The following AFF1 variants were observed in gnomAD, a reference collection of about 807,000 sequenced individuals.
AFF1 encodes the protein AF4/FMR2 family member 1.
A neutral mutation model predicts 121.7 loss-of-function variants in AFF1; 48 were observed. The ratio of observed to expected loss-of-function variants is 0.39; its 90% CI spans 0.31 to 0.50. The LOEUF is 0.50. AFF1 is among the 20% of genes least tolerant of loss of function. AFF1 has a pLI of 0.76. For synonymous variants in AFF1, 613 were observed against 563.0 expected (o/e 1.09, Z -1.26); for missense variants, 1,523 against 1,511.7 (o/e 1.01, Z -0.12).
At position 87,001,362 on chromosome 4, in the gene AFF1, G is replaced by A. The variant is rs538562190; in HGVS notation, c.39-44804G>A. Among the ~76,000 whole-genome samples, 48 of 151,690 alleles carry A rather than the reference G, an allele frequency of 3.2e-4. No homozygotes were observed. In the Middle Eastern group the frequency reaches 0.01, roughly 32 times the overall value. ...CTCCCGAGTAGCTGGGACTACAGGC[G>A]CTTGCCTCCACGCCTGGCTAATTTT... On this transcript the variant is annotated intron_variant, in intron 2 of 20. Transcript: ENST00000395146.
chr4:86,952,755 C>A (rs1721449180), intron 2 of AFF1, among the ~76,000 whole-genome samples: 1 of 141,290 alleles, frequency 7.1e-6, no homozygotes, highest in Admixed American at 7.7e-5. Flanking sequence ...GTGGCGTGAT[C>A]TTGGCCCCTC....
chr4:86,995,057 A>G (rs1725009985), intron 2 of AFF1, among the ~76,000 whole-genome samples: 2 of 152,124 alleles, frequency 1.3e-5, no homozygotes, highest in Non-Finnish European at 2.9e-5. Context: ...CCTAGGCAAC[A>G]TGGTAAAACC....
rs1000852314 is a variant in AFF1 at position 86,991,423 on chromosome 4, C to T, written c.38+42852C>T. Among the ~76,000 whole-genome samples, 11 of 145,894 alleles carry T rather than the reference C, an allele frequency of 7.5e-5. No homozygotes were observed. In the South Asian group the frequency reaches 1.1e-3, roughly 15 times the overall value. On this transcript the variant is annotated intron_variant, in intron 2 of 20. Coordinates refer to ENST00000395146, the MANE Select transcript of AFF1 (RefSeq NM_001166693.3). ...TCGCCCCACTGCACTCCAGCCTGGG[C>T]GACAGAGTGAGACTCCATCTCCAAA...
intron 2 of AFF1, among the ~76,000 whole-genome samples, chr4:87,037,865 A>C (rs934020302): frequency 6.6e-6 from 1 of 152,162 alleles, no homozygotes; most frequent in Non-Finnish European, 1.5e-5. Flanking sequence ...GGTACCAAGA[A>C]TGTAAATTTC....
At position 87,140,613 on chromosome 4, in the gene AFF1, AAGTTTTT is replaced by A. The variant is rs1221256449; in HGVS notation, c.*4913_*4919del. On this transcript the variant is annotated 3_prime_UTR_variant, in exon 21 of 21. Coordinates refer to ENST00000395146, the MANE Select transcript of AFF1 (RefSeq NM_001166693.3). ...TGAAAATCACTGGCCTATGTTTAATAAGTTTTTCTTTAATTACTGTGGAATAACGTGC... is the reference window on the plus strand; with the variant it reads ...TGAAAATCACTGGCCTATGTTTAATACTTTAATTACTGTGGAATAACGTGC... 1 of 186,230 alleles carries A rather than the reference AAGTTTTT, an allele frequency of 5.4e-6. No individual in the cohort carries two copies. The highest frequency in any genetic ancestry group is 2.3e-5 in the African/African-American group (1 of 42,658). The allele number at this position is 186,230 out of a possible 1,614,324, so 11.5% of individuals were successfully genotyped here.
chr4:87,105,188 T>G (rs1283852755), intron 8 of AFF1, among the ~76,000 whole-genome samples: 1 of 152,254 alleles, frequency 6.6e-6, no homozygotes, highest in Non-Finnish European at 1.5e-5. Context: ...AATGGCTAAC[T>G]ACTTTAGTTC....
intron 19 of AFF1, among the ~76,000 whole-genome samples, chr4:87,133,068 T>C (rs568872446): frequency 6.6e-6 from 1 of 152,234 alleles, no homozygotes; most frequent in Admixed American, 6.5e-5. Context: ...AGAGCCAGAG[T>C]CCTTTCTCTC....
At chr4:87,043,985 A>C (rs1730417061) in intron 2 of AFF1, among the ~76,000 whole-genome samples, 1 of 152,054 alleles carries the variant, frequency 6.6e-6, no homozygotes, top group African/African-American at 2.4e-5. Flanking sequence ...CAGCCAGCTA[A>C]TTTTTGTATT....
intron 4 of AFF1, among the ~76,000 whole-genome samples, chr4:87,071,922 G>T (rs1344035610): frequency 3.9e-5 from 6 of 152,112 alleles, no homozygotes; most frequent in African/African-American, 9.7e-5. Flanking sequence ...GAAAAGATTG[G>T]AGTTTCGGGT....
chr4:86,948,456 C>A, intron 1 of AFF1, 42 bp from the exon 2 acceptor site: 1 of 1,361,110 alleles, frequency 7.3e-7, no homozygotes, highest in Non-Finnish European at 1.0e-6. Context: ...TGAATTTACT[C>A]ACAGGCTAAT....
At chr4:86,969,511 G>C (rs1351614152) in intron 2 of AFF1, among the ~76,000 whole-genome samples, 1 of 149,644 alleles carries the variant, frequency 6.7e-6, no homozygotes, top group African/African-American at 2.5e-5. Context: ...CAGTTGAATC[G>C]GTTTATCAAT....
At chr4:87,017,025 T>C (rs1727363221) in intron 2 of AFF1, among the ~76,000 whole-genome samples, 1 of 151,766 alleles carries the variant, frequency 6.6e-6, no homozygotes, top group Admixed American at 6.6e-5. Flanking sequence ...AAATTGTGAA[T>C]AATGTTGCTG....
Position 87,137,999 on chromosome 4 carries a change from T to A in AFF1, c.*2298T>A. The A allele has an allele frequency of 4.3e-6, 1 of 231,060 alleles. No homozygotes were observed. The highest frequency in any genetic ancestry group is 6.1e-5 in the East Asian group (1 of 16,408). 14.3% of individuals were successfully genotyped at this position (231,060 alleles called of 1,614,324 possible). ...TTTCTCAGCCAGCTCTAAAACAGATTGCTTTTTCAGTGGCCTTACTCTTTG... is the reference window on the plus strand; with the variant it reads ...TTTCTCAGCCAGCTCTAAAACAGATAGCTTTTTCAGTGGCCTTACTCTTTG... On this transcript the variant is annotated 3_prime_UTR_variant, in exon 21 of 21. Coordinates refer to ENST00000395146, the MANE Select transcript of AFF1 (RefSeq NM_001166693.3).
intron 2 of AFF1, among the ~76,000 whole-genome samples, chr4:87,016,042 G>T (rs1360342015): frequency 6.6e-6 from 1 of 152,202 alleles, no homozygotes; most frequent in East Asian, 1.9e-4. Context: ...TTAGCTGGGC[G>T]TAGTGGCAGG....
intron 2 of AFF1, among the ~76,000 whole-genome samples, chr4:86,969,804 C>T (rs770072057): frequency 3.6e-5 from 5 of 139,884 alleles, no homozygotes; most frequent in Admixed American, 1.6e-4. Context: ...GGCGTGAACC[C>T]GGGAGGCGGA....
At chr4:87,119,143 G>A (rs1395645369) in intron 12 of AFF1, among the ~76,000 whole-genome samples, 3 of 152,188 alleles carry the variant, frequency 2.0e-5, no homozygotes, top group Non-Finnish European at 4.4e-5. Context: ...ACAGGCATGA[G>A]TCACCATGCC....
chr4:87,044,018 A>C (rs547664991), intron 2 of AFF1, among the ~76,000 whole-genome samples: 1 of 152,068 alleles, frequency 6.6e-6, no homozygotes, highest in African/African-American at 2.4e-5. Context: ...AGGGTTCACC[A>C]TGTTGGCCAG....
chr4:86,963,265 GA>G (rs1434975818), intron 2 of AFF1, among the ~76,000 whole-genome samples: 4 of 149,864 alleles, frequency 2.7e-5, no homozygotes, highest in African/African-American at 9.8e-5. Flanking sequence ...TAAGTAAATA[GA>G]AATCATATAT....
chr4:87,031,732 CTGG>C (rs1729107342), intron 2 of AFF1, among the ~76,000 whole-genome samples: 1 of 152,148 alleles, frequency 6.6e-6, no homozygotes, highest in South Asian at 2.1e-4. Flanking sequence ...CACAGTGTAT[CTGG>C]TGGTAATGTT....
Sources: gnomAD v4.1 joint callset for allele counts (sites outside exome capture counted in the v4.1 genomes callset) on GRCh38, gnomAD v4.1.1 for gene constraint, MANE v1.5 for transcripts, NCBI Gene and HGNC (gene_info 2026-07-23, HGNC 2026-07-21) for gene names.